Variants in NRXN1 observed in about 807,000 individuals in gnomAD.
NRXN1 encodes the protein neurexin-1.
In NRXN1, 39 loss-of-function variants were observed where a neutral mutation model predicts 150.9. That is an observed-to-expected ratio of 0.26 (90% CI 0.20 to 0.34). The LOEUF is 0.34. Among genes scored for constraint, NRXN1 ranks in the 10% least tolerant of loss-of-function variants. The pLI is 1.00. For missense variants in NRXN1, 1,815 were observed against 1,949.9 expected (o/e 0.93, Z 1.30); for synonymous variants, 924 against 757.0 (o/e 1.22, Z -3.62).
At chr2:50,062,672 C>T (rs541694775) in intron 19 of NRXN1, among the ~76,000 whole-genome samples, 1 of 151,962 alleles carries the variant, frequency 6.6e-6, no homozygotes, top group Non-Finnish European at 1.5e-5. Flanking sequence ...ACTCAGAGAA[C>T]AAAGATAAAT....
At chr2:50,749,564 T>C (rs1367150212) in intron 5 of NRXN1, among the ~76,000 whole-genome samples, 2 of 152,046 alleles carry the variant, frequency 1.3e-5, no homozygotes, top group African/African-American at 2.4e-5. Context: ...TATTAAAGCA[T>C]TATTGCATCA....
At chr2:50,405,619 T>A (rs1218995325) in intron 17 of NRXN1, among the ~76,000 whole-genome samples, 1 of 152,292 alleles carries the variant, frequency 6.6e-6, no homozygotes, top group South Asian at 2.1e-4. Context: ...ATTTCCTTTA[T>A]GCATCCTTTC....
intron 21 of NRXN1, among the ~76,000 whole-genome samples, chr2:50,034,650 G>A (rs1410225349): frequency 6.6e-6 from 1 of 151,944 alleles, no homozygotes; most frequent in African/African-American, 2.4e-5. Flanking sequence ...TAAAATAAAA[G>A]TTAAGGGAAA....
At chr2:50,386,520 T>C (rs1424627724) in intron 17 of NRXN1, among the ~76,000 whole-genome samples, 1 of 152,084 alleles carries the variant, frequency 6.6e-6, no homozygotes, top group East Asian at 1.9e-4. Context: ...AAAGTCATAA[T>C]AAGATTATAG....
intron 5 of NRXN1, among the ~76,000 whole-genome samples, chr2:50,829,999 G>GAAAAACAAAAAAAAAAAAAAA (rs1671172215): frequency 1.7e-5 from 1 of 58,206 alleles, no homozygotes; most frequent in Admixed American, 2.5e-4. Context: ...CTGCCTGCTG[G>GAAAAACAAAAAAAAAAAAAAA]AAAAAAAAAA....
chr2:50,404,313 C>T (rs1359914647), intron 17 of NRXN1, among the ~76,000 whole-genome samples: 1 of 152,036 alleles, frequency 6.6e-6, no homozygotes, highest in African/African-American at 2.4e-5. Context: ...CATTCTCCTC[C>T]TATTATTTAG....
intron 18 of NRXN1, among the ~76,000 whole-genome samples, chr2:50,229,780 T>A (rs1319226092): frequency 6.6e-6 from 1 of 152,066 alleles, no homozygotes; most frequent in Non-Finnish European, 1.5e-5. Context: ...AAAAATAATG[T>A]GTTTATTTTG....
chr2:50,873,121 G>A (rs969859049), intron 5 of NRXN1, among the ~76,000 whole-genome samples: 1 of 151,856 alleles, frequency 6.6e-6, no homozygotes, highest in Non-Finnish European at 1.5e-5. Context: ...ATTGGGTCAT[G>A]AGCACATTAA....
chr2:50,483,940 A>G (rs150756655), intron 15 of NRXN1, among the ~76,000 whole-genome samples: 67 of 152,318 alleles, frequency 4.4e-4, no homozygotes, highest in Non-Finnish European at 7.3e-4. Flanking sequence ...TTTGAAAGAC[A>G]GGTTTTTTTC....
At chr2:49,979,035 A>C (rs1679516097) in intron 21 of NRXN1, among the ~76,000 whole-genome samples, 1 of 152,198 alleles carries the variant, frequency 6.6e-6, no homozygotes, top group African/African-American at 2.4e-5. Flanking sequence ...GCGGGGGCTC[A>C]TGCCTGTAAT....
chr2:50,414,888 A>T (rs1485009009), intron 17 of NRXN1, among the ~76,000 whole-genome samples: 4 of 152,272 alleles, frequency 2.6e-5, no homozygotes, highest in African/African-American at 9.6e-5. Context: ...AACTTAAGAA[A>T]ATTTCATTTG....
At chr2:50,229,418 C>A (rs1026114679) in intron 18 of NRXN1, among the ~76,000 whole-genome samples, 1 of 151,892 alleles carries the variant, frequency 6.6e-6, no homozygotes, top group Non-Finnish European at 1.5e-5. Context: ...GGTTCTTAAC[C>A]CTCAAGCAAT....
At chr2:50,597,246 A>C (rs1472089054) in intron 8 of NRXN1, among the ~76,000 whole-genome samples, 1 of 152,144 alleles carries the variant, frequency 6.6e-6, no homozygotes, top group African/African-American at 2.4e-5. Flanking sequence ...TAGCTAGCTC[A>C]GAAGAGACTG....
intron 21 of NRXN1, among the ~76,000 whole-genome samples, chr2:50,026,458 A>G (rs551094975): frequency 1.3e-4 from 20 of 152,146 alleles, no homozygotes; most frequent in Non-Finnish European, 2.2e-4. Context: ...TCACATGGTT[A>G]TGTTTTATTA....
At position 50,726,319 on chromosome 2, in the gene NRXN1, G is replaced by A. The variant is rs186850542; in HGVS notation, c.833-102704C>T. ...ATAAGGCAGCCATCAAGTTCTCTGA[G>A]CCTCAGTTTCCTTATTTATTATATG... is the stretch of plus-strand genomic sequence containing the variant. On this transcript the variant is annotated intron_variant, in intron 5 of 22. Transcript: ENST00000401669. Among the ~76,000 whole-genome samples the A allele has an allele frequency of 1.7e-3, 258 of 152,294 alleles. 2 individuals are homozygous for A. The Middle Eastern group carries it at 0.041, about 24-fold the overall frequency.
At chr2:50,234,429 G>T (rs766420589) in intron 18 of NRXN1, among the ~76,000 whole-genome samples, 6 of 152,044 alleles carry the variant, frequency 3.9e-5, no homozygotes, top group Non-Finnish European at 8.8e-5. Context: ...AGGAGGCAAA[G>T]GTTGCAGTGA....
At chr2:51,013,205 G>T (rs759215870) in intron 2 of NRXN1, among the ~76,000 whole-genome samples, 7 of 151,958 alleles carry the variant, frequency 4.6e-5, no homozygotes, top group Non-Finnish European at 7.4e-5. Context: ...GCTCAACAAC[G>T]TTTAAGGAAA....
At chr2:50,077,447 T>TC (rs1431257678) in intron 19 of NRXN1, among the ~76,000 whole-genome samples, 1 of 151,120 alleles carries the variant, frequency 6.6e-6, no homozygotes, top group Non-Finnish European at 1.5e-5. Flanking sequence ...ATTCTGCCTT[T>TC]CTTTTTTTAC....
rs1685696708 is a variant in NRXN1 at position 50,651,920 on chromosome 2, T to C, written c.833-28305A>G. Among the ~76,000 whole-genome samples the C allele has an allele frequency of 3.9e-5, 6 of 152,094 alleles. No homozygotes were observed. The South Asian group carries it at 1.2e-3, about 31-fold the overall frequency. On this transcript the variant is annotated intron_variant, in intron 5 of 22. Transcript: ENST00000401669. ...AACAATCCTAACACTCTATGAATAA[T>C]GAACCCTATTTAAATGAGCAGGTTA...
Sources: gnomAD v4.1 joint callset for allele counts (sites outside exome capture counted in the v4.1 genomes callset) on GRCh38, gnomAD v4.1.1 for gene constraint, MANE v1.5 for transcripts, NCBI Gene and HGNC (gene_info 2026-07-23, HGNC 2026-07-21) for gene names.